The following THSD7B variants were observed in gnomAD, a reference collection of about 807,000 sequenced individuals.
THSD7B encodes thrombospondin type 1 domain containing 7B.
THSD7B carries 138 observed loss-of-function variants against 213.6 expected under a neutral mutation model. The ratio of observed to expected loss-of-function variants is 0.65; its 90% CI spans 0.56 to 0.74. THSD7B has a LOEUF of 0.74. Ranked by LOEUF, THSD7B falls within the 30% of genes least tolerant of loss-of-function variation. The probability of loss-of-function intolerance (pLI) is 0.00; values close to 1 mark genes in which losing one functional copy is unlikely to be tolerated. For missense variants in THSD7B, 1,931 were observed against 1,991.5 expected (o/e 0.97, Z 0.58); for synonymous variants, 742 against 687.0 (o/e 1.08, Z -1.25).
intron 15 of THSD7B, among the ~76,000 whole-genome samples, chr2:137,556,517 T>G (rs1467925109): frequency 1.3e-5 from 2 of 152,146 alleles, no homozygotes; most frequent in Admixed American, 1.3e-4. Context: ...CCACCAGGCC[T>G]GCCCTAAAAG....
chr2:137,131,281 C>A (rs1212305352), intron 5 of THSD7B, among the ~76,000 whole-genome samples: 1 of 150,982 alleles, frequency 6.6e-6, no homozygotes, highest in Non-Finnish European at 1.5e-5. Context: ...GGATATTAGC[C>A]CTTTGTCAGA....
At chr2:137,394,129 G>A (rs1456234647) in intron 12 of THSD7B, among the ~76,000 whole-genome samples, 11 of 117,106 alleles carry the variant, frequency 9.4e-5, no homozygotes, top group African/African-American at 3.4e-4. Flanking sequence ...CACTCTGATG[G>A]TAGTTTCTTT....
At chr2:137,012,734 AG>A (rs1475997381) in intron 2 of THSD7B, among the ~76,000 whole-genome samples, 3 of 152,240 alleles carry the variant, frequency 2.0e-5, no homozygotes, top group Non-Finnish European at 4.4e-5. Context: ...CTGGTTTCCC[AG>A]TGTGTTCACT....
intron 17 of THSD7B, among the ~76,000 whole-genome samples, chr2:137,596,955 T>A (rs1472528722): frequency 6.6e-6 from 1 of 152,120 alleles, no homozygotes; most frequent in African/African-American, 2.4e-5. Flanking sequence ...AACAATAGAA[T>A]GTAAGGATAC....
At chr2:137,075,778 T>C (rs1277077893) in intron 3 of THSD7B, among the ~76,000 whole-genome samples, 1 of 152,214 alleles carries the variant, frequency 6.6e-6, no homozygotes, top group Admixed American at 6.5e-5. Flanking sequence ...TGGATGTCCT[T>C]TCTGTGTGTT....
At chr2:137,334,137 G>T (rs6730384) in intron 12 of THSD7B, among the ~76,000 whole-genome samples, 152,236 of 152,252 alleles carry the variant, frequency 1, 76,110 homozygotes, top group Non-Finnish European at 1. Context: ...GGCTAATCAC[G>T]GTTCCAAATC....
intron 1 of THSD7B, among the ~76,000 whole-genome samples, chr2:136,854,775 G>T (rs1683153045): frequency 6.6e-6 from 1 of 151,674 alleles, no homozygotes. Flanking sequence ...GACATTTTGT[G>T]CTCCCAGCTC....
intron 1 of THSD7B, among the ~76,000 whole-genome samples, chr2:136,785,284 C>G (rs1681820923): frequency 6.6e-6 from 1 of 152,140 alleles, no homozygotes; most frequent in Non-Finnish European, 1.5e-5. Flanking sequence ...CTTGCTCTGT[C>G]AAAACCTTGC....
chr2:137,331,546 C>G (rs766616348), intron 12 of THSD7B, among the ~76,000 whole-genome samples: 2 of 152,216 alleles, frequency 1.3e-5, no homozygotes, highest in Non-Finnish European at 2.9e-5. Flanking sequence ...CTGGCTTCAC[C>G]CAGTGGATCC....
At chr2:137,226,814 A>G (rs923619049) in intron 7 of THSD7B, among the ~76,000 whole-genome samples, 1 of 147,024 alleles carries the variant, frequency 6.8e-6, no homozygotes, top group African/African-American at 2.4e-5. Flanking sequence ...AGTATTCATA[A>G]TAACCAAAAT....
intron 1 of THSD7B, among the ~76,000 whole-genome samples, chr2:136,874,611 T>C (rs1024977225): frequency 2.0e-5 from 3 of 152,232 alleles, no homozygotes; most frequent in Non-Finnish European, 4.4e-5. Context: ...TTTAAGGGCT[T>C]CAACGATAAG....
At chr2:137,053,106 C>A (rs1687097927) in intron 2 of THSD7B, among the ~76,000 whole-genome samples, 1 of 152,036 alleles carries the variant, frequency 6.6e-6, no homozygotes, top group South Asian at 2.1e-4. Context: ...ATTTCCAGGC[C>A]AAGGAGTGGG....
intron 15 of THSD7B, 149 bp from the exon 16 acceptor site, chr2:137,563,072 C>T: frequency 1.3e-6 from 1 of 760,550 alleles, no homozygotes; most frequent in Non-Finnish European, 2.0e-6. Flanking sequence ...GAAGCCAAAT[C>T]TATCTTGCTT....
chr2:137,035,725 G>A (rs528073510), intron 2 of THSD7B, among the ~76,000 whole-genome samples: 1 of 152,066 alleles, frequency 6.6e-6, no homozygotes, highest in South Asian at 2.1e-4. Context: ...AAAAAGTATC[G>A]CAGGCAATAC....
At chr2:137,337,100 C>G (rs1558762476) in intron 12 of THSD7B, among the ~76,000 whole-genome samples, 1 of 151,326 alleles carries the variant, frequency 6.6e-6, no homozygotes, top group Non-Finnish European at 1.5e-5. Context: ...ATTATAGATA[C>G]CTAATAATAA....
intron 2 of THSD7B, among the ~76,000 whole-genome samples, chr2:136,897,854 TAC>T (rs922968935): frequency 6.6e-6 from 1 of 152,006 alleles, no homozygotes; most frequent in Non-Finnish European, 1.5e-5. Flanking sequence ...GGTGCATTTT[TAC>T]AGAGTGCTGA....
At chr2:136,890,741 A>T (rs972404546) in intron 2 of THSD7B, among the ~76,000 whole-genome samples, 1 of 150,610 alleles carries the variant, frequency 6.6e-6, no homozygotes, top group Non-Finnish European at 1.5e-5. Context: ...GGGTTTCACA[A>T]TGTTGGCCAG....
intron 15 of THSD7B, among the ~76,000 whole-genome samples, chr2:137,482,898 A>G (rs1012752391): frequency 6.6e-6 from 1 of 152,180 alleles, no homozygotes; most frequent in Non-Finnish European, 1.5e-5. Context: ...AGGATCTCTG[A>G]AATGCAGATG....
intron 7 of THSD7B, among the ~76,000 whole-genome samples, chr2:137,222,882 G>T (rs1681402420): frequency 6.6e-6 from 1 of 152,200 alleles, no homozygotes; most frequent in South Asian, 2.1e-4. Flanking sequence ...CAGAAAGGAG[G>T]AGCCTGGGGA....
Sources: allele counts gnomAD v4.1 joint callset (sites outside exome capture counted in the v4.1 genomes callset), GRCh38; gene constraint gnomAD v4.1.1; transcripts MANE v1.5; gene names NCBI Gene and HGNC (gene_info 2026-07-23, HGNC 2026-07-21).